The following RFX4 variants were observed in gnomAD, a reference collection of about 807,000 sequenced individuals.
RFX4 encodes transcription factor RFX4.
Under a neutral mutation model 95.0 loss-of-function variants are expected in RFX4, and 10 were observed. That is an observed-to-expected ratio of 0.11 (90% CI 0.06 to 0.18). The LOEUF (loss-of-function observed/expected upper bound fraction) is 0.18. Ranked by LOEUF, RFX4 falls within the 10% of genes least tolerant of loss-of-function variation. RFX4 has a pLI of 1.00. For missense variants in RFX4, 640 were observed against 922.0 expected (o/e 0.69, Z 3.96); for synonymous variants, 321 against 340.7 (o/e 0.94, Z 0.64).
chr12:106,714,748 T>C (rs2042256822), intron 10 of RFX4, among the ~76,000 whole-genome samples: 1 of 152,116 alleles, frequency 6.6e-6, no homozygotes, highest in Non-Finnish European at 1.5e-5. Flanking sequence ...AATACATATA[T>C]ATAATTATTC....
chr12:106,635,305 A>G (rs1294005245), intron 2 of RFX4, among the ~76,000 whole-genome samples: 5 of 152,130 alleles, frequency 3.3e-5, no homozygotes, highest in Non-Finnish European at 7.4e-5. Context: ...AAAAAATACA[A>G]TTGACAATTT....
At chr12:106,664,897 C>A (rs965903309) in intron 4 of RFX4, among the ~76,000 whole-genome samples, 1 of 151,822 alleles carries the variant, frequency 6.6e-6, no homozygotes, top group African/African-American at 2.4e-5. Context: ...GGCCTGAGAG[C>A]AGACATTATA....
In RFX4 at chr12:106,732,045, T is replaced by C. The variant is rs1431759961; in HGVS notation, c.1352-85T>C. On this transcript the variant is annotated intron_variant, in intron 13 of 17. Transcript: ENST00000392842. ...CTCTTGAGCAGAGCATTTAGAACAC[T>C]GTGTAACTTGTGCAGTTGACCAGAC... The C allele has an allele frequency of 1.1e-5, 17 of 1,555,412 alleles. No homozygotes were observed. In the South Asian group the frequency reaches 1.7e-4, roughly 15 times the overall value.
At chr12:106,698,616 C>G (rs2041929155) in intron 8 of RFX4, among the ~76,000 whole-genome samples, 1 of 151,870 alleles carries the variant, frequency 6.6e-6, no homozygotes, top group Non-Finnish European at 1.5e-5. Flanking sequence ...CTTTAGTTTT[C>G]TTGTCTCATA....
At position 106,732,917 on chromosome 12, in the gene RFX4, T is replaced by A. The variant is rs747028687; in HGVS notation, c.1472-7T>A. On this transcript the variant is annotated splice_region_variant and splice_polypyrimidine_tract_variant and intron_variant, in intron 14 of 17. Transcript: ENST00000392842. The stretch of plus-strand genomic sequence containing the variant: ...GTTTTAAAAACTTACCCTATCTCTA[T>A]CCACAGCAGAAGTCCGAGAAGAGAT... 4.0e-5 allele frequency: 65 copies of A among 1,612,794 alleles called. No individual in the cohort carries two copies. The South Asian group carries it at 6.6e-4, about 16-fold the overall frequency.
chr12:106,720,142 T>G lies in RFX4; in HGVS notation c.1233+88T>G, dbSNP rs1565994157. On this transcript the variant is annotated intron_variant, in intron 12 of 17. Transcript: ENST00000392842. The surrounding 1 kb of genome is among the most constrained non-coding windows in gnomAD (Gnocchi z 4.2). ...ACTTGGCCAAGACAAAGCCCTATGGTAAGCTATCTGAACAGGGTTTTGAGG... is the reference window on the plus strand; with the variant it reads ...ACTTGGCCAAGACAAAGCCCTATGGGAAGCTATCTGAACAGGGTTTTGAGG... 6.2e-6 allele frequency: 7 copies of G among 1,134,692 alleles called. No individual in the cohort carries two copies. The highest frequency in any genetic ancestry group is 9.3e-6 in the Non-Finnish European group (7 of 750,694). 70.3% of individuals were successfully genotyped at this position (1,134,692 alleles called of 1,614,324 possible). A position where few individuals can be genotyped will look rare whatever the true frequency, so the allele number is the denominator to read the frequency against.
chr12:106,694,202 G>A (rs946183107), intron 7 of RFX4, among the ~76,000 whole-genome samples: 3 of 152,028 alleles, frequency 2.0e-5, no homozygotes, highest in Non-Finnish European at 2.9e-5. Context: ...TCATGTTTTC[G>A]GCAATCACCA....
At chr12:106,700,961 A>G (rs929421704) in intron 8 of RFX4, among the ~76,000 whole-genome samples, 3 of 152,164 alleles carry the variant, frequency 2.0e-5, no homozygotes, top group African/African-American at 7.2e-5. Context: ...ATGATTCCTA[A>G]TCTTCATTTC....
intron 1 of RFX4, among the ~76,000 whole-genome samples, chr12:106,602,703 T>G (rs1282575436): frequency 6.6e-6 from 1 of 152,200 alleles, no homozygotes; most frequent in Non-Finnish European, 1.5e-5. Context: ...GAAACCTTGC[T>G]CCCTCACTAA....
chr12:106,689,159 T>C, intron 6 of RFX4, 128 bp from the exon 7 acceptor site: 1 of 796,802 alleles, frequency 1.3e-6, no homozygotes, highest in Non-Finnish European at 2.2e-6. Context: ...TCTGGTAGGC[T>C]GAGCCGGTGT....
chr12:106,750,862 T>C (rs2042988132), intron 17 of RFX4, 69 bp downstream of exon 17: 7 of 1,401,094 alleles, frequency 5.0e-6, no homozygotes, highest in African/African-American at 1.5e-5. Flanking sequence ...TTAACACAGT[T>C]CATAAACTGT....
At chr12:106,745,892 G>A (rs1001722570) in intron 15 of RFX4, among the ~76,000 whole-genome samples, 1 of 152,084 alleles carries the variant, frequency 6.6e-6, no homozygotes, top group African/African-American at 2.4e-5. Flanking sequence ...GTTGTCTGAT[G>A]AGTTTAGTAT....
Position 106,686,965 on chromosome 12 carries a change from G to A in RFX4, c.459G>A (p.Val153=). ...ATTCCAAGAAAGGAGCTGCCTGGGT[G>A]AGTGAGACGGGCAAGAAAGAAGTGA... ...VMYSKKGAAW[V]SETGKKEVSK... is the part of the protein sequence containing the mutation. Residue 153 remains valine, a synonymous_variant, in exon 6 of 18, where the codon GTG becomes GTA. Coordinates refer to ENST00000392842, the MANE Select transcript of RFX4 (RefSeq NM_213594.3). 1.2e-6 allele frequency: 2 copies of A among 1,613,924 alleles called. No individual in the cohort carries two copies. The highest frequency in any genetic ancestry group is 1.7e-6 in the Non-Finnish European group (2 of 1,179,984).
At position 106,648,143 on chromosome 12, in the gene RFX4, G is replaced by A. The variant is rs942737422; in HGVS notation, c.192-6085G>A. Among the ~76,000 whole-genome samples the A allele has an allele frequency of 2.6e-5, 4 of 152,214 alleles. No individual in the cohort carries two copies. In the East Asian group the frequency reaches 5.8e-4, roughly 22 times the overall value. The stretch of plus-strand genomic sequence containing the variant: ...ATGAATAAATGAATTTGGCAGGGAG[G>A]AAAGGATGAAGAAGTGGTTAGCAGA... On this transcript the variant is annotated intron_variant, in intron 3 of 17. Coordinates refer to ENST00000392842, the MANE Select transcript of RFX4 (RefSeq NM_213594.3).
chr12:106,753,209 C>T (rs992494557), intron 17 of RFX4, among the ~76,000 whole-genome samples: 4 of 152,128 alleles, frequency 2.6e-5, no homozygotes, highest in Non-Finnish European at 4.4e-5. Context: ...CCTCCCTCCC[C>T]GCAGCCATGC....
intron 5 of RFX4, chr12:106,684,760 C>A (rs17334089): frequency 0.018 from 26,862 of 1,533,918 alleles, 309 homozygotes; most frequent in Non-Finnish European, 0.021. Flanking sequence ...ACGGAAGGCA[C>A]AGAAGGCAGA....
chr12:106,724,299 A>C (rs2042450075), intron 13 of RFX4, among the ~76,000 whole-genome samples: 1 of 152,248 alleles, frequency 6.6e-6, no homozygotes, highest in South Asian at 2.1e-4. Context: ...GGGAGCTTGG[A>C]GAATTTCCTT....
intron 11 of RFX4, among the ~76,000 whole-genome samples, chr12:106,717,448 T>C (rs1262904143): frequency 6.6e-6 from 1 of 152,238 alleles, no homozygotes; most frequent in Non-Finnish European, 1.5e-5. Context: ...CACTGCTGCC[T>C]CTCTCAAGAA....
intron 15 of RFX4, among the ~76,000 whole-genome samples, chr12:106,735,365 G>A (rs2042691288): frequency 6.6e-6 from 1 of 152,084 alleles, no homozygotes; most frequent in Non-Finnish European, 1.5e-5. Context: ...AAGTGAAGAT[G>A]TAATAGCTGA....
Sources: allele counts gnomAD v4.1 joint callset (sites outside exome capture counted in the v4.1 genomes callset), GRCh38; gene constraint gnomAD v4.1.1; non-coding constraint Gnocchi (gnomAD v3.1); transcripts MANE v1.5; gene names NCBI Gene and HGNC (gene_info 2026-07-23, HGNC 2026-07-21).